The following CDK11B variants were observed in gnomAD, a reference collection of about 807,000 sequenced individuals.
CDK11B encodes the protein cyclin dependent kinase 11B, also known as cyclin-dependent kinase 11B.
In CDK11B, 37 loss-of-function variants were observed where a neutral mutation model predicts 84.0. That is an observed-to-expected ratio of 0.44 (90% confidence interval 0.34 to 0.58). The LOEUF is 0.58. Ranked by LOEUF, CDK11B falls within the 20% of genes least tolerant of loss-of-function variation. The pLI is 0.02. For synonymous variants in CDK11B, 269 were observed against 309.8 expected, an observed-to-expected ratio of 0.87 and a Z score of 1.38; for missense variants, 427 against 834.0, an observed-to-expected ratio of 0.51 and a Z score of 6.01.
intron 5 of CDK11B, among the ~76,000 whole-genome samples, chr1:1,647,291 G>C (rs1399450071): frequency 6.6e-6 from 1 of 152,274 alleles, no homozygotes; most frequent in Non-Finnish European, 1.5e-5. Context: ...GGGTCACACT[G>C]TCATACTTCT....
chr1:1,636,090 A>T lies in CDK11B; in HGVS notation c.2103T>A (p.Ala701=), dbSNP rs1639226544. The T allele has an allele frequency of 2.0e-6, 1 of 508,404 alleles. No individual in the cohort carries two copies. The allele number at this position is 508,404 out of a possible 1,614,324, so 31.5% of individuals were successfully genotyped here. A position where few individuals can be genotyped will look rare whatever the true frequency, so the allele number is the denominator to read the frequency against. The change falls in exon 19 of 20, where the codon GCT becomes GCA. Residue 701 remains alanine (A), a synonymous_variant. Coordinates refer to ENST00000341832, the MANE Select transcript of CDK11B (RefSeq NM_033486.3). ...LTYFPGRRIS[A]EDGLKHEYFR... ...AATACTCATGCTTGAGGCCGTCCTC[A>T]GCGCTGATCCTCCTCCCGGGGAAGT... is the stretch of plus-strand genomic sequence containing the variant.
intron 2 of CDK11B, among the ~76,000 whole-genome samples, chr1:1,656,638 A>C (rs1221073338): frequency 6.6e-6 from 1 of 152,082 alleles, no homozygotes; most frequent in African/African-American, 2.4e-5. Context: ...AAAATACAAA[A>C]AATTAGCTTG....
chr1:1,658,220 C>T (rs1480020790), intron 1 of CDK11B, among the ~76,000 whole-genome samples: 7 of 150,066 alleles, frequency 4.7e-5, no homozygotes, highest in Non-Finnish European at 8.8e-5. Context: ...TGGCGAGCGC[C>T]TGTAGTCCCA....
chr1:1,650,948 C>T (rs1641929589), intron 4 of CDK11B, among the ~76,000 whole-genome samples: 1 of 152,168 alleles, frequency 6.6e-6, no homozygotes, highest in African/African-American at 2.4e-5. Flanking sequence ...CTTTTCCATA[C>T]TGAATAAACT....
chr1:1,657,167 G>A, intron 2 of CDK11B: 1 of 1,596,350 alleles, frequency 6.3e-7, no homozygotes, highest in African/African-American at 1.3e-5. Flanking sequence ...GCTCAATCTA[G>A]ACACAGCTTT....
At chr1:1,651,983 T>G (rs1185910202) in intron 4 of CDK11B, among the ~76,000 whole-genome samples, 1 of 151,640 alleles carries the variant, frequency 6.6e-6, no homozygotes, top group Non-Finnish European at 1.5e-5. Flanking sequence ...CCCTTCTGAA[T>G]GGTCTGTGAC....
intron 2 of CDK11B, among the ~76,000 whole-genome samples, chr1:1,656,062 G>A (rs564046860): frequency 6.6e-5 from 10 of 152,184 alleles, no homozygotes; most frequent in Non-Finnish European, 1.3e-4. Context: ...ATCTTAAGGC[G>A]TATCTTGCAA....
rs1342714228 is a variant in CDK11B, at chr1:1,636,969, G to A, written c.1728C>T (p.Ser576=). 1.2e-6 allele frequency: 2 copies of A among 1,610,630 alleles called. No homozygotes were observed. Among genetic ancestry groups the A allele is most frequent in the Non-Finnish European group, 1.7e-6 (2 of 1,178,156 alleles). ...CGACCGGGGTGTAGGCCTTCAGAGG[G>A]GATCCGTACTCCCGCGCCAGCCCGA... ...GDFGLAREYG[S]PLKAYTPVVV... is the part of the protein sequence containing the mutation. The change falls in exon 16 of 20, where the codon TCC becomes TCT. Residue 576 remains serine (S), a synonymous_variant. Transcript: ENST00000341832.
At chr1:1,653,083 G>A (rs1269444722) in intron 3 of CDK11B, among the ~76,000 whole-genome samples, 68 of 152,042 alleles carry the variant, frequency 4.5e-4, no homozygotes, top group South Asian at 3.7e-3. Flanking sequence ...GCAGTGGTAC[G>A]ATCTCGGCTC....
intron 5 of CDK11B, among the ~76,000 whole-genome samples, chr1:1,649,193 G>T (rs1229165449): frequency 1.3e-5 from 2 of 151,998 alleles, no homozygotes; most frequent in African/African-American, 2.4e-5. Context: ...TCCACCTTCC[G>T]GGTTCACGCC....
At chr1:1,657,314 A>C (rs1642891518) in intron 2 of CDK11B, 61 bp downstream of exon 2, 1 of 1,612,986 alleles carries the variant, frequency 6.2e-7, no homozygotes. Flanking sequence ...TAATGGAAAA[A>C]TGAGGGCAAA....
chr1:1,636,586 G>A, intron 17 of CDK11B, 96 bp downstream of exon 17: 9 of 1,580,774 alleles, frequency 5.7e-6, no homozygotes, highest in African/African-American at 1.3e-5. Context: ...CAGTGGCCCT[G>A]GTCCCCATCT....
chr1:1,653,831 C>CAG (rs1642344274), intron 3 of CDK11B, among the ~76,000 whole-genome samples: 1 of 140,906 alleles, frequency 7.1e-6, no homozygotes, highest in African/African-American at 2.9e-5. Flanking sequence ...AAAATACACA[C>CAG]ACACACACAC....
rs36174442 is a variant in CDK11B at position 1,650,744 on chromosome 1, T to G, written c.356-1107A>C. Among the ~76,000 whole-genome samples the G allele has an allele frequency of 4.0e-5, 6 of 149,772 alleles. 1 individual carries two copies. The highest frequency in any genetic ancestry group is 1.5e-4 in the African/African-American group (6 of 40,640). On this transcript the variant is annotated intron_variant, in intron 4 of 19. Coordinates refer to ENST00000341832, the MANE Select transcript of CDK11B (RefSeq NM_033486.3). ...GCTGGTCTTGAACTCCCGGACTCAA[T>G]TGATCCTCCAAAGTGCTGGGATTAC...
intron 10 of CDK11B, among the ~76,000 whole-genome samples, chr1:1,640,707 C>T (rs1189001302): frequency 6.6e-6 from 1 of 152,200 alleles, no homozygotes; most frequent in East Asian, 1.9e-4. Flanking sequence ...TCCACGTCCA[C>T]CAGGCTGAGG....
chr1:1,636,385 G>A lies in CDK11B; in HGVS notation c.2014C>T (p.Arg672Cys). 13 of 1,607,718 alleles carry A rather than the reference G, an allele frequency of 8.1e-6. No homozygotes were observed. Among genetic ancestry groups the A allele is most frequent in the Non-Finnish European group, 1.1e-5 (13 of 1,176,740 alleles). Residue 672 changes from arginine (R) to cysteine (C), a missense_variant, in exon 18 of 20, where the codon CGC (arginine) becomes TGC (cysteine). Arg to Cys is a radical substitution (Grantham distance 180). Transcript: ENST00000341832. ...GAGAGCAGAGCCCCGAAGCGCTTGC[G>A]GAGGTTGTTGTAGGGGTGCTCGCTG... Reference protein sequence around the residue: ...TFSEHPYNNLRKRFGALLSDQ... With the variant: ...TFSEHPYNNLCKRFGALLSDQ...
intron 3 of CDK11B, among the ~76,000 whole-genome samples, chr1:1,654,415 T>C (rs1184524816): frequency 6.6e-6 from 1 of 152,194 alleles, no homozygotes; most frequent in Non-Finnish European, 1.5e-5. Flanking sequence ...GCACCTGCTA[T>C]GGCAGGAAAA....
chr1:1,637,494 T>G lies in CDK11B; in HGVS notation c.1484A>C (p.Asn495Thr), dbSNP rs1473778680. 6.2e-7 allele frequency: 1 copy of G among 1,613,436 alleles called. No individual in the cohort carries two copies. The highest frequency in any genetic ancestry group is 8.5e-7 in the Non-Finnish European group (1 of 1,179,626). ...CATCACGATGTAGATCTTGTCCATG[T>G]TGCTGCCCACCACAATCTCCTGCAG... ...VTVREIVVGS[N>T]MDKIYIVMNY... is the part of the protein sequence containing the mutation. Residue 495 changes from asparagine (N) to threonine (T), a missense_variant, in exon 14 of 20, where the codon AAC becomes ACC. By Grantham distance (65) the Asn-to-Thr change is moderately conservative (BLOSUM62 0). Around this residue, in one of 12 missense-constraint regions of CDK11B, gnomAD observed 24 missense variants for 93.2 expected, o/e 0.26. Coordinates refer to ENST00000341832, the MANE Select transcript of CDK11B (RefSeq NM_033486.3).
chr1:1,655,373 C>G lies in CDK11B; in HGVS notation c.223G>C (p.Asp75His), dbSNP rs1227497560. 1 of 1,613,408 alleles carries G rather than the reference C, an allele frequency of 6.2e-7. No individual in the cohort carries two copies. The highest frequency in any genetic ancestry group is 2.2e-5 in the East Asian group (1 of 44,888). Residue 75 changes from aspartate (D) to histidine (H), a missense_variant, in exon 3 of 20, where the codon GAC becomes CAC. By Grantham distance (81) the Asp-to-His change is moderately conservative. Coordinates refer to ENST00000341832, the MANE Select transcript of CDK11B (RefSeq NM_033486.3). ...SPYRREDSME[D>H]RGEEDDSLAI... Reference sequence around the variant, plus strand: ...CACATCTGTACATCCGCTCACCTGTCTTCCATAGAGTCTTCTCTTCTATAC... The same window carrying G: ...CACATCTGTACATCCGCTCACCTGTGTTCCATAGAGTCTTCTCTTCTATAC...
Sources: gnomAD v4.1 joint callset for allele counts (sites outside exome capture counted in the v4.1 genomes callset) on GRCh38, gnomAD v4.1.1 for gene constraint, gnomAD v4.1.1 regional missense constraint, MANE v1.5 for transcripts, NCBI Gene and HGNC (gene_info 2026-07-23, HGNC 2026-07-21) for gene names.